The following RAD17 variants were observed in gnomAD, a reference collection of about 807,000 sequenced individuals.
RAD17 encodes the protein RAD17 checkpoint clamp loader component.
Under a neutral mutation model 81.5 loss-of-function variants are expected in RAD17, and 31 were observed. That is an observed-to-expected ratio of 0.38 (90% CI 0.29 to 0.51). The LOEUF is 0.51. Ranked by LOEUF, RAD17 falls within the 20% of genes least tolerant of loss-of-function variation. The probability of loss-of-function intolerance (pLI) is 0.88; values close to 1 mark genes in which losing one functional copy is unlikely to be tolerated. For missense variants in RAD17, 681 were observed against 781.2 expected (o/e 0.87, Z 1.53); for synonymous variants, 261 against 266.2 (o/e 0.98, Z 0.19).
chr5:69,378,629 C>G (rs1034965616), intron 6 of RAD17, among the ~76,000 whole-genome samples: 9 of 152,190 alleles, frequency 5.9e-5, no homozygotes, highest in Non-Finnish European at 1.3e-4. Flanking sequence ...TTGCAAACCT[C>G]TGGTAACAAC....
intron 7 of RAD17, among the ~76,000 whole-genome samples, chr5:69,383,381 CTATTATTAT>C (rs1410823409): frequency 6.6e-6 from 1 of 150,550 alleles, no homozygotes; most frequent in Non-Finnish European, 1.5e-5. Context: ...ATTATTATTA[CTATTATTAT>C]TATTTTTTTT....
chr5:69,408,440 C>G (rs1007676719), intron 17 of RAD17, among the ~76,000 whole-genome samples: 1 of 149,802 alleles, frequency 6.7e-6, no homozygotes, highest in Admixed American at 6.7e-5. Flanking sequence ...CACTTTGTCT[C>G]TTTCCCTGAT....
intron 6 of RAD17, 92 bp downstream of exon 6, chr5:69,374,803 G>T: frequency 8.8e-7 from 1 of 1,138,838 alleles, no homozygotes; most frequent in South Asian, 1.5e-5. Flanking sequence ...TGATGATTTT[G>T]TTCAAAATAA....
chr5:69,380,854 C>T (rs935276086), intron 6 of RAD17, among the ~76,000 whole-genome samples: 1 of 151,692 alleles, frequency 6.6e-6, no homozygotes, highest in Non-Finnish European at 1.5e-5. Context: ...CAGCCTCCAC[C>T]TCCCAGGCTC....
In RAD17 at chr5:69,414,777, A is replaced by G. The variant is rs1302572690; in HGVS notation, c.*485A>G. The G allele has an allele frequency of 1.2e-5, 2 of 162,402 alleles. No homozygotes were observed. The highest frequency in any genetic ancestry group is 2.7e-5 in the Non-Finnish European group (2 of 73,960). 10.1% of individuals were successfully genotyped at this position (162,402 alleles called of 1,614,324 possible). On this transcript the variant is annotated 3_prime_UTR_variant, in exon 19 of 19. Transcript: ENST00000354868. ...TTTGGAAAGTATTTACATAAGTTAT[A>G]TCACAATTAAAATGTTGAATTTAAT...
At chr5:69,388,489 AAAAGT>A (rs1472983818) in intron 11 of RAD17, among the ~76,000 whole-genome samples, 1 of 152,250 alleles carries the variant, frequency 6.6e-6, no homozygotes, top group East Asian at 1.9e-4. Context: ...GTCAAAGTGA[AAAAGT>A]AAAATAATAC....
chr5:69,400,017 C>A, intron 16 of RAD17, 32 bp from the exon 17 acceptor site: 2 of 1,431,800 alleles, frequency 1.4e-6, no homozygotes, highest in South Asian at 1.4e-5. Context: ...TTTCATTTTT[C>A]CTTTCATCTT....
At chr5:69,382,611 G>A (rs987826203) in intron 7 of RAD17, among the ~76,000 whole-genome samples, 5 of 152,112 alleles carry the variant, frequency 3.3e-5, no homozygotes, top group African/African-American at 1.2e-4. Context: ...AGGTTAGACA[G>A]TATTAACTAA....
intron 6 of RAD17, among the ~76,000 whole-genome samples, chr5:69,376,954 G>A (rs187787675): frequency 1.3e-5 from 2 of 151,956 alleles, no homozygotes; most frequent in Admixed American, 6.6e-5. Flanking sequence ...GGGTTTCACC[G>A]TGTTGGCCAG....
chr5:69,411,644 G>A (rs1177556), intron 18 of RAD17, among the ~76,000 whole-genome samples: 14 of 151,718 alleles, frequency 9.2e-5, no homozygotes, highest in African/African-American at 3.1e-4. Context: ...CTTTCCTATC[G>A]CAGAAAGACC....
chr5:69,377,616 T>TATA (rs1763535261), intron 6 of RAD17, among the ~76,000 whole-genome samples: 1 of 80,664 alleles, frequency 1.2e-5, no homozygotes, highest in Non-Finnish European at 2.4e-5. Context: ...TATGTATACA[T>TATA]ATATATGCAT....
At chr5:69,403,804 C>G (rs1237573404) in intron 17 of RAD17, among the ~76,000 whole-genome samples, 1 of 151,976 alleles carries the variant, frequency 6.6e-6, no homozygotes, top group African/African-American at 2.4e-5. Flanking sequence ...ACCTGTAGTC[C>G]CAGCTACTCG....
intron 17 of RAD17, among the ~76,000 whole-genome samples, chr5:69,407,853 A>G (rs1045274788): frequency 1.3e-5 from 2 of 152,124 alleles, no homozygotes; most frequent in Non-Finnish European, 2.9e-5. Context: ...CGCCTGGCCT[A>G]TGTCCAAGTT....
intron 18 of RAD17, among the ~76,000 whole-genome samples, chr5:69,412,236 G>T (rs903407736): frequency 6.6e-6 from 1 of 152,056 alleles, no homozygotes; most frequent in Non-Finnish European, 1.5e-5. Flanking sequence ...GATTACAGGC[G>T]TGAGCCACCA....
In RAD17 at chr5:69,414,570, A is replaced by T. The variant is rs773775108; in HGVS notation, c.*278A>T. 3 of 454,472 alleles carry T rather than the reference A, an allele frequency of 6.6e-6. No individual in the cohort carries two copies. Among genetic ancestry groups the T allele is most frequent in the Non-Finnish European group, 1.2e-5 (3 of 256,758 alleles). The allele number at this position is 454,472 out of a possible 1,614,324, so 28.2% of individuals were successfully genotyped here. On this transcript the variant is annotated 3_prime_UTR_variant, in exon 19 of 19. Coordinates refer to ENST00000354868, the MANE Select transcript of RAD17 (RefSeq NM_133338.3). ...TAAAGTGTGTTTGAACATTATGCCA[A>T]ATATCAAGATGTGAAGGACTAATTC...
intron 7 of RAD17, 69 bp from the exon 8 acceptor site, chr5:69,384,728 A>G (rs1764069861): frequency 7.2e-7 from 1 of 1,396,302 alleles, no homozygotes; most frequent in Non-Finnish European, 9.9e-7. Context: ...GTGTGTGTGT[A>G]CATACAGATG....
chr5:69,395,847 G>A (rs189313666), intron 15 of RAD17, among the ~76,000 whole-genome samples: 3 of 152,086 alleles, frequency 2.0e-5, no homozygotes, highest in East Asian at 3.9e-4. Context: ...TGCGAACATC[G>A]TGACACTTAA....
At chr5:69,397,230 C>T (rs1764949703) in intron 16 of RAD17, among the ~76,000 whole-genome samples, 1 of 152,132 alleles carries the variant, frequency 6.6e-6, no homozygotes, top group Non-Finnish European at 1.5e-5. Context: ...CAACCTCTAC[C>T]TCCTAGGTTC....
chr5:69,405,241 C>T (rs377399043), intron 17 of RAD17, among the ~76,000 whole-genome samples: 9 of 151,958 alleles, frequency 5.9e-5, no homozygotes, highest in African/African-American at 1.5e-4. Context: ...CAGTGGCTCA[C>T]GCCTGTAATC....
Sources: gnomAD v4.1 joint callset for allele counts (sites outside exome capture counted in the v4.1 genomes callset) on GRCh38, gnomAD v4.1.1 for gene constraint, MANE v1.5 for transcripts, NCBI Gene and HGNC (gene_info 2026-07-23, HGNC 2026-07-21) for gene names.